Variants in GPR137B observed in about 807,000 individuals in gnomAD.
The protein encoded by GPR137B is integral membrane protein GPR137B.
Under a neutral mutation model 42.5 loss-of-function variants are expected in GPR137B, and 42 were observed. That is an observed-to-expected ratio of 0.99 (90% confidence interval 0.77 to 1.28). GPR137B has a LOEUF of 1.28. Ranked by LOEUF, GPR137B falls within the 50% of genes most tolerant of loss-of-function variation. The pLI is 0.00. For synonymous variants in GPR137B, 218 were observed against 209.7 expected (o/e 1.04, Z -0.34); for missense variants, 487 against 493.9 (o/e 0.99, Z 0.13).
rs200417336 is a variant in GPR137B at position 236,207,907 on chromosome 1, A to G, written c.1092-143A>G. The G allele has an allele frequency of 6.5e-6, 4 of 619,172 alleles. No individual in the cohort carries two copies. In the East Asian group the frequency reaches 8.2e-5, roughly 13 times the overall value. 38.4% of individuals were successfully genotyped at this position (619,172 alleles called of 1,614,324 possible). A position where few individuals can be genotyped will look rare whatever the true frequency, so the allele number is the denominator to read the frequency against. ...CTGTGTGTAGCATGGTTTTGTGGGAAAATGGACTTTAAGAGCCATTTAAAA... is the reference window on the plus strand; with the variant it reads ...CTGTGTGTAGCATGGTTTTGTGGGAGAATGGACTTTAAGAGCCATTTAAAA... On this transcript the variant is annotated intron_variant, in intron 6 of 6. Transcript: ENST00000366592.
chr1:236,197,401 T>C (rs1277052798), intron 5 of GPR137B, among the ~76,000 whole-genome samples: 1 of 152,214 alleles, frequency 6.6e-6, no homozygotes, highest in African/African-American at 2.4e-5. Flanking sequence ...TTAGGTCCCA[T>C]GTATTTATCT....
intron 2 of GPR137B, among the ~76,000 whole-genome samples, chr1:236,170,089 G>A (rs971434028): frequency 2.0e-5 from 3 of 151,286 alleles, no homozygotes; most frequent in Admixed American, 1.3e-4. Context: ...GACTGGGGTT[G>A]GGGGAGGAGA....
In GPR137B at chr1:236,198,041, G is replaced by A. The variant is rs529895140; in HGVS notation, c.967-7085G>A. Among the ~76,000 whole-genome samples, 13 of 152,114 alleles carry A rather than the reference G, an allele frequency of 8.5e-5. No homozygotes were observed. The South Asian group carries it at 2.3e-3, about 27-fold the overall frequency. ...CGGCCCTGCCTGCCTATTCTTATAC[G>A]AGTACTATGCTGTTTTGGTAACTAT... On this transcript the variant is annotated intron_variant, in intron 5 of 6. Coordinates refer to ENST00000366592, the MANE Select transcript of GPR137B (RefSeq NM_003272.4).
Position 236,179,888 on chromosome 1 carries a change from G to T in GPR137B, c.697G>T (p.Val233Leu), listed in dbSNP as rs771081038. ...NIYLESKGSS[V>L]CQVTAIGVTV... ...GCTCCCTCTTTTCCAGGGCTCCTCC[G>T]TGTGTCAAGTGACTGCCATCGGTGT... Residue 233 changes from valine (V) to leucine (L), a missense_variant, in exon 4 of 7, where the codon GTG (valine) becomes TTG (leucine). By Grantham distance (32) the Val-to-Leu change is conservative. Coordinates refer to ENST00000366592, the MANE Select transcript of GPR137B (RefSeq NM_003272.4). 1 of 1,584,092 alleles carries T rather than the reference G, an allele frequency of 6.3e-7. No individual in the cohort carries two copies. The highest frequency in any genetic ancestry group is 8.6e-7 in the Non-Finnish European group (1 of 1,165,306).
In GPR137B at chr1:236,142,635, C is replaced by G; in HGVS notation, c.13C>G (p.Arg5Gly). 1 of 1,473,192 alleles carries G rather than the reference C, an allele frequency of 6.8e-7. No homozygotes were observed. Among genetic ancestry groups the G allele is most frequent in the Admixed American group, 2.4e-5 (1 of 41,950 alleles). 91.3% of individuals were successfully genotyped at this position (1,473,192 alleles called of 1,614,324 possible). The change falls in exon 1 of 7, where the codon CGT becomes GGT. Residue 5 changes from arginine to glycine, a missense_variant. Coordinates refer to ENST00000366592, the MANE Select transcript of GPR137B (RefSeq NM_003272.4). The part of the protein sequence containing the change: MRPE[R>G]PRPRGSAPGP... Reference sequence around the variant, plus strand: ...GCCGTGAGCCCCGATGAGGCCCGAGCGTCCCCGGCCGCGCGGCAGCGCCCC... The same window carrying G: ...GCCGTGAGCCCCGATGAGGCCCGAGGGTCCCCGGCCGCGCGGCAGCGCCCC...
chr1:236,163,445 C>T (rs1293433896), intron 1 of GPR137B, among the ~76,000 whole-genome samples: 6 of 152,168 alleles, frequency 3.9e-5, no homozygotes, highest in African/African-American at 7.2e-5. Context: ...AATGTGAGGA[C>T]GTGAGATTAG....
At chr1:236,180,633 ATTT>A (rs544204649) in intron 4 of GPR137B, among the ~76,000 whole-genome samples, 16 of 138,508 alleles carry the variant, frequency 1.2e-4, no homozygotes, top group African/African-American at 2.9e-4. Context: ...GCAGTACTTA[ATTT>A]TTTTTTTTTT....
At chr1:236,186,232 T>TA in intron 5 of GPR137B, among the ~76,000 whole-genome samples, 1 of 67,424 alleles carries the variant, frequency 1.5e-5, no homozygotes, top group East Asian at 3.9e-4. Flanking sequence ...TAATATAATA[T>TA]ATAATAATAT....
intron 1 of GPR137B, among the ~76,000 whole-genome samples, chr1:236,159,280 C>T (rs1662117607): frequency 6.6e-6 from 1 of 152,184 alleles, no homozygotes; most frequent in Admixed American, 6.5e-5. Context: ...CACCACTGCA[C>T]TCCAGCCTGG....
intron 1 of GPR137B, among the ~76,000 whole-genome samples, chr1:236,161,472 C>T (rs1215293274): frequency 9.1e-6 from 1 of 109,882 alleles, no homozygotes; most frequent in Non-Finnish European, 1.8e-5. Flanking sequence ...CTCCTCACAC[C>T]TCCACACACA....
At chr1:236,151,370 G>A (rs1266936202) in intron 1 of GPR137B, among the ~76,000 whole-genome samples, 1 of 151,770 alleles carries the variant, frequency 6.6e-6, no homozygotes, top group African/African-American at 2.4e-5. Context: ...GCTTATGTGG[G>A]TCAGGATTTT....
intron 1 of GPR137B, among the ~76,000 whole-genome samples, chr1:236,144,502 G>A (rs1273585879): frequency 6.6e-6 from 1 of 152,232 alleles, no homozygotes; most frequent in Non-Finnish European, 1.5e-5. Context: ...TATGGAAGAA[G>A]TACTTTTGGC....
chr1:236,195,468 A>G (rs1663306570), intron 5 of GPR137B, among the ~76,000 whole-genome samples: 1 of 152,132 alleles, frequency 6.6e-6, no homozygotes, highest in South Asian at 2.1e-4. Flanking sequence ...GTGGTACCCC[A>G]TTCTGTATAT....
In GPR137B at chr1:236,208,136, C is replaced by T. The variant is rs547415313; in HGVS notation, c.1178C>T (p.Pro393Leu). The change falls in exon 7 of 7, where the codon CCT becomes CTT. Residue 393 changes from proline to leucine, a missense_variant. Coordinates refer to ENST00000366592, the MANE Select transcript of GPR137B (RefSeq NM_003272.4). The part of the protein sequence containing the change: ...AGTLQDSTLD[P>L]DKPSLG ...ACTTTGCAAGACTCAACTTTGGATC[C>T]TGACAAACCAAGCCTTGGGTAGCAT... is the stretch of plus-strand genomic sequence containing the variant. The T allele has an allele frequency of 7.4e-6, 12 of 1,613,810 alleles. No individual in the cohort carries two copies. The South Asian group carries it at 1.2e-4, about 16-fold the overall frequency.
chr1:236,206,832 G>T (rs1663676706), intron 6 of GPR137B, among the ~76,000 whole-genome samples: 1 of 152,134 alleles, frequency 6.6e-6, no homozygotes, highest in Non-Finnish European at 1.5e-5. Flanking sequence ...AGACGGTGAG[G>T]CCAGCAGGGG....
rs79106571 is a variant in GPR137B, at chr1:236,153,741, A to T, written c.414+10705A>T. Among the ~76,000 whole-genome samples the T allele has an allele frequency of 0.017, 2,648 of 152,318 alleles. 124 individuals are homozygous for T. The East Asian group carries it at 0.18, about 10-fold the overall frequency. ...TTACAGTAGAGATATGAAGTGTGAG[A>T]TGTTTTCAGTGGAAAGTTGAAGACT... On this transcript the variant is annotated intron_variant, in intron 1 of 6. Coordinates refer to ENST00000366592, the MANE Select transcript of GPR137B (RefSeq NM_003272.4).
chr1:236,145,686 T>C (rs2102887356), intron 1 of GPR137B, among the ~76,000 whole-genome samples: 1 of 151,694 alleles, frequency 6.6e-6, no homozygotes, highest in South Asian at 2.1e-4. Context: ...CAATTGGTTA[T>C]ATTTATTTTT....
chr1:236,146,110 G>A (rs921435752), intron 1 of GPR137B, among the ~76,000 whole-genome samples: 4 of 151,978 alleles, frequency 2.6e-5, no homozygotes, highest in African/African-American at 4.8e-5. Context: ...TGCCCACCTC[G>A]GCCTCCCAAA....
chr1:236,196,992 T>A (rs189494887), intron 5 of GPR137B, among the ~76,000 whole-genome samples: 5 of 152,310 alleles, frequency 3.3e-5, no homozygotes, highest in Non-Finnish European at 7.3e-5. Flanking sequence ...TAAGTGGGAT[T>A]CCCACCAGCA....
Sources: gnomAD v4.1 joint callset for allele counts (sites outside exome capture counted in the v4.1 genomes callset) on GRCh38, gnomAD v4.1.1 for gene constraint, MANE v1.5 for transcripts, NCBI Gene and HGNC (gene_info 2026-07-23, HGNC 2026-07-21) for gene names.